LRP1B: variants seen among roughly 807,000 people sequenced by gnomAD.
The protein encoded by LRP1B is LDL receptor related protein 1B.
A neutral mutation model predicts 556.6 loss-of-function variants in LRP1B; 217 were observed. The observed-to-expected ratio is 0.39, with a 90% CI of 0.35 to 0.44. The LOEUF (loss-of-function observed/expected upper bound fraction) is 0.44, where lower values mean the gene tolerates loss of function less well. LRP1B is among the 20% of genes least tolerant of loss of function. The pLI is 1.00. For missense variants in LRP1B, 5,053 were observed against 5,620.8 expected (o/e 0.90, Z 3.23); for synonymous variants, 2,047 against 1,865.8 (o/e 1.10, Z -2.50).
In LRP1B at chr2:140,444,583, T is replaced by C; in HGVS notation, c.10154A>G (p.Asn3385Ser). 4 of 1,613,906 alleles carry C rather than the reference T, an allele frequency of 2.5e-6. No homozygotes were observed. Among genetic ancestry groups the C allele is most frequent in the Non-Finnish European group, 3.4e-6 (4 of 1,179,846 alleles). ...ICDGENDCGD[N>S]SDELNCDTHV... ...CCTACCACAGTTGAGTTCATCAGAA[T>C]TGTCTCCACAATCATTCTCTCCATC... The change falls in exon 64 of 91, where the codon AAT becomes AGT. Residue 3385 changes from asparagine (N) to serine (S), a missense_variant. By Grantham distance (46) the Asn-to-Ser change is conservative. Transcript: ENST00000389484.
chr2:141,990,786 TATACTA>T (rs1018778024), intron 1 of LRP1B, among the ~76,000 whole-genome samples: 34 of 152,076 alleles, frequency 2.2e-4, no homozygotes, highest in African/African-American at 7.7e-4. Context: ...GACTTGCTGT[TATACTA>T]AGCTGACTGT....
At chr2:140,293,188 CCA>C (rs1234769941) in intron 84 of LRP1B, among the ~76,000 whole-genome samples, 9 of 152,164 alleles carry the variant, frequency 5.9e-5, no homozygotes, top group African/African-American at 1.9e-4. Flanking sequence ...AGACACAGAT[CCA>C]ACTGGTCTTA....
chr2:141,310,071 A>T (rs1302467126), intron 3 of LRP1B, among the ~76,000 whole-genome samples: 2 of 152,158 alleles, frequency 1.3e-5, no homozygotes, highest in East Asian at 3.9e-4. Flanking sequence ...CCTTTCCAAA[A>T]GAAAGGGGAT....
chr2:140,935,902 A>T (rs930295140), intron 20 of LRP1B, among the ~76,000 whole-genome samples: 27 of 151,828 alleles, frequency 1.8e-4, no homozygotes, highest in Non-Finnish European at 2.8e-4. Context: ...ACACATATAT[A>T]TGTATATATA....
intron 1 of LRP1B, among the ~76,000 whole-genome samples, chr2:141,857,641 T>C (rs1698104603): frequency 6.6e-6 from 1 of 152,086 alleles, no homozygotes. Context: ...CCGACCCCTC[T>C]CCATTTTAGA....
intron 2 of LRP1B, among the ~76,000 whole-genome samples, chr2:141,616,046 G>A (rs1688286087): frequency 6.6e-6 from 1 of 152,146 alleles, no homozygotes. Flanking sequence ...CACTTTGGGA[G>A]GCCGAGATGG....
At chr2:140,824,828 G>A (rs1411049475) in intron 31 of LRP1B, among the ~76,000 whole-genome samples, 1 of 152,046 alleles carries the variant, frequency 6.6e-6, no homozygotes, top group African/African-American at 2.4e-5. Context: ...TTATTCAACT[G>A]AGACATATCA....
At chr2:140,744,000 T>TAAAAAAAAAAA (rs1559090792) in intron 35 of LRP1B, among the ~76,000 whole-genome samples, 2 of 46,144 alleles carry the variant, frequency 4.3e-5, no homozygotes, top group African/African-American at 7.8e-5. Flanking sequence ...AAGTAAAAAG[T>TAAAAAAAAAAA]AAAATCCATA....
At chr2:141,206,127 C>A (rs982817391) in intron 6 of LRP1B, among the ~76,000 whole-genome samples, 3 of 112,616 alleles carry the variant, frequency 2.7e-5, no homozygotes, top group Non-Finnish European at 5.4e-5. Flanking sequence ...AGGAAGTGTA[C>A]TATTCACACA....
At chr2:141,879,745 C>G (rs1698890786) in intron 1 of LRP1B, among the ~76,000 whole-genome samples, 1 of 151,864 alleles carries the variant, frequency 6.6e-6, no homozygotes, top group Non-Finnish European at 1.5e-5. Context: ...AAACAAAAAA[C>G]TTGTCTTGCC....
intron 43 of LRP1B, among the ~76,000 whole-genome samples, chr2:140,563,669 G>A (rs1487765640): frequency 7.1e-6 from 1 of 140,276 alleles, no homozygotes; most frequent in African/African-American, 2.5e-5. Flanking sequence ...CATTTTATAG[G>A]ACATTCAATC....
intron 2 of LRP1B, among the ~76,000 whole-genome samples, chr2:141,778,853 AT>A (rs1695155931): frequency 6.6e-6 from 1 of 152,188 alleles, no homozygotes; most frequent in African/African-American, 2.4e-5. Context: ...CCACATCATC[AT>A]TTATAAGAAT....
intron 1 of LRP1B, among the ~76,000 whole-genome samples, chr2:141,994,985 A>G (rs1702449166): frequency 6.6e-6 from 1 of 152,170 alleles, no homozygotes; most frequent in Non-Finnish European, 1.5e-5. Context: ...TGTCAGAGTC[A>G]CATATCCCAT....
intron 41 of LRP1B, among the ~76,000 whole-genome samples, chr2:140,673,534 A>G (rs74852821): frequency 0.014 from 2,075 of 152,272 alleles, 42 homozygotes; most frequent in Admixed American, 0.046. Flanking sequence ...GAATAATTTT[A>G]ACATCTATAT....
At chr2:140,674,798 G>A (rs995742732) in intron 41 of LRP1B, among the ~76,000 whole-genome samples, 1 of 152,180 alleles carries the variant, frequency 6.6e-6, no homozygotes, top group African/African-American at 2.4e-5. Flanking sequence ...TGAATAGTTT[G>A]ACTCTTTTCG....
intron 87 of LRP1B, among the ~76,000 whole-genome samples, chr2:140,243,963 C>T (rs1197614347): frequency 6.6e-6 from 1 of 151,216 alleles, no homozygotes; most frequent in Non-Finnish European, 1.5e-5. Flanking sequence ...CCTTCACGGA[C>T]CAATCAAAAC....
At chr2:140,536,381 AGTGAATATC>A (rs983552410) in intron 46 of LRP1B, among the ~76,000 whole-genome samples, 191 bp downstream of exon 46, 3 of 147,582 alleles carry the variant, frequency 2.0e-5, no homozygotes, top group African/African-American at 7.5e-5. Flanking sequence ...GAAATTATTT[AGTGAATATC>A]ATGGCTATCA....
chr2:140,477,472 GCTACT>G (rs1050149818), intron 59 of LRP1B, among the ~76,000 whole-genome samples: 22 of 152,092 alleles, frequency 1.4e-4, no homozygotes, highest in Admixed American at 1.4e-3. Flanking sequence ...GTTCTATTTA[GCTACT>G]CTACATGTAA....
At chr2:141,111,342 A>C (rs538639740) in intron 7 of LRP1B, among the ~76,000 whole-genome samples, 74 of 140,688 alleles carry the variant, frequency 5.3e-4, no homozygotes, top group African/African-American at 1.9e-3. Flanking sequence ...CAAATAGCAA[A>C]CAAGTACAGT....
Sources: allele counts gnomAD v4.1 joint callset (sites outside exome capture counted in the v4.1 genomes callset), GRCh38; gene constraint gnomAD v4.1.1; transcripts MANE v1.5; gene names NCBI Gene and HGNC (gene_info 2026-07-23, HGNC 2026-07-21).